ALK: variants seen among roughly 807,000 people sequenced by gnomAD.
ALK encodes the protein ALK tyrosine kinase receptor.
A neutral mutation model predicts 163.1 loss-of-function variants in ALK; 74 were observed. The ratio of observed to expected loss-of-function variants is 0.45; its 90% CI spans 0.38 to 0.55. The LOEUF is 0.55. Ranked by LOEUF, ALK falls within the 20% of genes least tolerant of loss-of-function variation. ALK has a pLI of 0.00. For synonymous variants in ALK, 960 were observed against 843.2 expected (o/e 1.14, Z -2.40); for missense variants, 2,063 against 2,105.3 (o/e 0.98, Z 0.39).
intron 3 of ALK, among the ~76,000 whole-genome samples, chr2:29,673,027 T>C (rs1677753569): frequency 1.6e-5 from 2 of 126,380 alleles, no homozygotes; most frequent in South Asian, 5.6e-4. Flanking sequence ...TGGGGTTGTT[T>C]GTTTTTTTCT....
At chr2:29,568,544 G>C in intron 3 of ALK, among the ~76,000 whole-genome samples, 1 of 152,152 alleles carries the variant, frequency 6.6e-6, no homozygotes, top group South Asian at 2.1e-4. Context: ...TTTTCAAGTC[G>C]AGAGTTCTTT....
chr2:29,843,749 TAACAG>T (rs1465975341), intron 1 of ALK, among the ~76,000 whole-genome samples: 1 of 152,168 alleles, frequency 6.6e-6, no homozygotes, highest in Non-Finnish European at 1.5e-5. Flanking sequence ...AACCAGAAGT[TAACAG>T]AACAAAATCT....
intron 1 of ALK, among the ~76,000 whole-genome samples, chr2:29,723,668 C>T (rs973407333): frequency 2.6e-5 from 4 of 152,144 alleles, no homozygotes; most frequent in African/African-American, 9.7e-5. Flanking sequence ...AAAACGATGA[C>T]GAGAATAAGA....
Position 29,196,784 on chromosome 2 carries a change from C to G in ALK, c.4150G>C (p.Glu1384Gln), listed in dbSNP as rs2148141735. 6.2e-7 allele frequency: 1 copy of G among 1,613,746 alleles called. No homozygotes were observed. The highest frequency in any genetic ancestry group is 8.5e-7 in the Non-Finnish European group (1 of 1,179,628). ...AAATGTTTTACCTGGGTGCAGTATTCAATCCTCTCCAAAATGATGGCAAAG... is the reference window on the plus strand; with the variant it reads ...AAATGTTTTACCTGGGTGCAGTATTGAATCCTCTCCAAAATGATGGCAAAG... ...PNFAIILERI[E>Q]YCTQDPDVIN... The change falls in exon 28 of 29, where the codon GAA (glutamate) becomes CAA (glutamine). Residue 1384 changes from glutamate to glutamine, a missense_variant. Transcript: ENST00000389048.
intron 6 of ALK, among the ~76,000 whole-genome samples, chr2:29,321,083 A>G (rs111982482): frequency 7.9e-5 from 12 of 152,358 alleles, no homozygotes; most frequent in African/African-American, 2.9e-4. Context: ...GCTGGTTTAC[A>G]GTTTTCTTAT....
chr2:29,230,384 C>T (rs11690863), intron 15 of ALK, among the ~76,000 whole-genome samples: 17,426 of 151,326 alleles, frequency 0.12, 1,188 homozygotes, highest in African/African-American at 0.19. Context: ...ATTCTAAAAA[C>T]CCTAAAACCC....
At position 29,773,446 on chromosome 2, in the gene ALK, G is replaced by T. The variant is rs546101137; in HGVS notation, c.668-55749C>A. On this transcript the variant is annotated intron_variant, in intron 1 of 28. Coordinates refer to ENST00000389048, the MANE Select transcript of ALK (RefSeq NM_004304.5). ...CTCTTTACTTGTTGCTACCAGGATA[G>T]AGGAAGTCTCTGCTTTTAGGTCTTT... Among the ~76,000 whole-genome samples, 262 of 152,288 alleles carry T rather than the reference G, an allele frequency of 1.7e-3. 1 individual carries two copies. Among genetic ancestry groups the T allele is most frequent in the African/African-American group, 6.1e-3 (254 of 41,568 alleles).
At chr2:29,775,565 G>C (rs1008465581) in intron 1 of ALK, among the ~76,000 whole-genome samples, 1 of 151,370 alleles carries the variant, frequency 6.6e-6, no homozygotes, top group African/African-American at 2.4e-5. Context: ...AACAAAAGCA[G>C]AAATCAAAAG....
chr2:29,749,375 G>C (rs1680291381), intron 1 of ALK, among the ~76,000 whole-genome samples: 1 of 152,104 alleles, frequency 6.6e-6, no homozygotes, highest in Non-Finnish European at 1.5e-5. Context: ...GAAATGCTTG[G>C]GGACACCAAC....
chr2:29,487,155 G>A (rs1671794646), intron 4 of ALK, among the ~76,000 whole-genome samples: 1 of 152,170 alleles, frequency 6.6e-6, no homozygotes, highest in Admixed American at 6.5e-5. Context: ...GTCCTTTAGA[G>A]TCATCAAAAA....
intron 2 of ALK, among the ~76,000 whole-genome samples, chr2:29,696,787 G>A (rs1309709072): frequency 6.6e-6 from 1 of 151,952 alleles, no homozygotes; most frequent in African/African-American, 2.4e-5. Flanking sequence ...CCCAACACAA[G>A]CTTACATAGC....
intron 1 of ALK, among the ~76,000 whole-genome samples, chr2:29,855,378 T>G (rs1558520094): frequency 6.6e-6 from 1 of 152,120 alleles, no homozygotes; most frequent in Non-Finnish European, 1.5e-5. Flanking sequence ...CACAAGTAAC[T>G]CATCTCTTTA....
At chr2:29,488,344 A>G (rs1415235425) in intron 4 of ALK, among the ~76,000 whole-genome samples, 2 of 152,156 alleles carry the variant, frequency 1.3e-5, no homozygotes, top group Non-Finnish European at 2.9e-5. Context: ...TATGCAGCAG[A>G]ATGGTGGGGT....
intron 3 of ALK, among the ~76,000 whole-genome samples, chr2:29,595,767 T>G (rs975856072): frequency 2.6e-5 from 4 of 152,138 alleles, no homozygotes; most frequent in South Asian, 2.1e-4. Context: ...TTTTACAAAT[T>G]TTAAAACTAA....
chr2:29,663,355 C>T (rs1017010652), intron 3 of ALK, among the ~76,000 whole-genome samples: 6 of 152,116 alleles, frequency 3.9e-5, no homozygotes, highest in South Asian at 4.1e-4. Context: ...TCAAAGTAAA[C>T]GTAATCAGTC....
intron 3 of ALK, among the ~76,000 whole-genome samples, chr2:29,560,532 TTTC>T (rs1673991274): frequency 6.6e-6 from 1 of 152,100 alleles, no homozygotes; most frequent in African/African-American, 2.4e-5. Context: ...TGTAATTTTC[TTTC>T]TTTTCTTTTC....
At chr2:29,622,417 A>G (rs1047467357) in intron 3 of ALK, among the ~76,000 whole-genome samples, 1 of 152,176 alleles carries the variant, frequency 6.6e-6, no homozygotes, top group African/African-American at 2.4e-5. Context: ...AAAAGTGGAA[A>G]GCCCTAAATC....
chr2:29,388,756 C>T (rs114345737), intron 4 of ALK, among the ~76,000 whole-genome samples: 2,568 of 152,090 alleles, frequency 0.017, 66 homozygotes, highest in African/African-American at 0.059. Flanking sequence ...CATTTATGAG[C>T]GTCAAAGGAG....
intron 8 of ALK, among the ~76,000 whole-genome samples, chr2:29,314,636 T>C (rs1289963927): frequency 6.6e-6 from 1 of 152,094 alleles, no homozygotes; most frequent in Non-Finnish European, 1.5e-5. Context: ...TGCACTTCTG[T>C]AGCTCACACA....
Sources: gnomAD v4.1 joint callset for allele counts (sites outside exome capture counted in the v4.1 genomes callset) on GRCh38, gnomAD v4.1.1 for gene constraint, MANE v1.5 for transcripts, NCBI Gene and HGNC (gene_info 2026-07-23, HGNC 2026-07-21) for gene names.